The following GPM6A variants were observed in gnomAD, a reference collection of about 807,000 sequenced individuals.
GPM6A encodes neuronal membrane glycoprotein M6-a.
GPM6A carries 7 observed loss-of-function variants against 32.1 expected under a neutral mutation model. The observed-to-expected ratio is 0.22, with a 90% CI of 0.12 to 0.41. The LOEUF is 0.41. Ranked by LOEUF, GPM6A falls within the 10% of genes least tolerant of loss-of-function variation. The pLI is 1.00. For missense variants in GPM6A, 235 were observed against 347.2 expected (o/e 0.68, Z 2.57); for synonymous variants, 130 against 123.4 (o/e 1.05, Z -0.35).
intron 1 of GPM6A, among the ~76,000 whole-genome samples, chr4:175,908,711 CA>C (rs1738208473): frequency 6.6e-6 from 1 of 151,962 alleles, no homozygotes; most frequent in Non-Finnish European, 1.5e-5. Context: ...GATATTTCAA[CA>C]AAAATTTAAA....
chr4:175,822,134 T>A (rs1056225863), intron 1 of GPM6A, among the ~76,000 whole-genome samples: 1 of 152,150 alleles, frequency 6.6e-6, no homozygotes. Context: ...AAATGTTTTA[T>A]TCTCCATCAA....
chr4:175,757,461 G>A (rs1048447438), intron 1 of GPM6A, among the ~76,000 whole-genome samples: 17 of 152,060 alleles, frequency 1.1e-4, no homozygotes, highest in South Asian at 4.2e-4. Flanking sequence ...AAAAATGTTC[G>A]TTGTTGCTTT....
rs922487687 is a variant in GPM6A, at chr4:175,919,279, T to G, written c.-23+83030A>C. ...ATAATGAGTTTTTTTGAGGTACTTC[T>G]AAAAATTCTGTGTATCATAAAAGGT... On this transcript the variant is annotated intron_variant, in intron 1 of 7. Transcript: ENST00000280187. 1.2e-4 allele frequency among the ~76,000 whole-genome samples: 18 copies of G among 152,126 alleles called. 1 individual carries two copies. The highest frequency in any genetic ancestry group is 1.8e-4 in the Non-Finnish European group (12 of 68,012).
At position 175,836,143 on chromosome 4, in the gene GPM6A, C is replaced by T. The variant is rs531020870; in HGVS notation, c.-22-23894G>A. On this transcript the variant is annotated intron_variant, in intron 1 of 7. Transcript: ENST00000280187. ...ATCTGGCTTTCTCTACCTCTCTACC[C>T]AATTATGCTCTGTTACTGATATTCC... 5.3e-5 allele frequency among the ~76,000 whole-genome samples: 8 copies of T among 152,270 alleles called. 1 individual carries two copies. In the South Asian group the frequency reaches 1.7e-3, roughly 32 times the overall value.
chr4:175,940,354 G>A (rs1173486206), intron 1 of GPM6A, among the ~76,000 whole-genome samples: 2 of 151,990 alleles, frequency 1.3e-5, no homozygotes. Flanking sequence ...GAAAAATAAT[G>A]CATTTTTTAG....
intron 1 of GPM6A, among the ~76,000 whole-genome samples, chr4:175,795,371 T>A (rs13113026): frequency 6.6e-6 from 1 of 152,044 alleles, no homozygotes; most frequent in African/African-American, 2.4e-5. Flanking sequence ...CTGCTCCACC[T>A]GAGTAAGGGC....
At chr4:175,918,595 T>C (rs1238209732) in intron 1 of GPM6A, among the ~76,000 whole-genome samples, 3 of 152,088 alleles carry the variant, frequency 2.0e-5, no homozygotes, top group Non-Finnish European at 4.4e-5. Flanking sequence ...AGCAAGACCA[T>C]AGAATGCTTG....
chr4:175,670,795 A>G (rs915022633), intron 3 of GPM6A, among the ~76,000 whole-genome samples: 13 of 152,158 alleles, frequency 8.5e-5, no homozygotes, highest in African/African-American at 2.7e-4. Context: ...TTATGCTTTC[A>G]AAGGCATTCA....
At chr4:175,653,504 T>G (rs1255810248) in intron 3 of GPM6A, among the ~76,000 whole-genome samples, 2 of 152,134 alleles carry the variant, frequency 1.3e-5, no homozygotes, top group Non-Finnish European at 2.9e-5. Context: ...ACTTTATACA[T>G]CTAAGATGAA....
chr4:175,833,939 A>C (rs1382342677), intron 1 of GPM6A, among the ~76,000 whole-genome samples: 4 of 152,198 alleles, frequency 2.6e-5, no homozygotes, highest in Non-Finnish European at 5.9e-5. Context: ...ACTGGGCTAA[A>C]AAATTCCCAA....
chr4:175,795,214 C>A (rs1342698066), intron 1 of GPM6A, among the ~76,000 whole-genome samples: 1 of 152,056 alleles, frequency 6.6e-6, no homozygotes, highest in Non-Finnish European at 1.5e-5. Context: ...AGTCAAGAAC[C>A]AAGGATGTAG....
chr4:175,895,779 T>C (rs1737776619), intron 1 of GPM6A, among the ~76,000 whole-genome samples: 1 of 152,214 alleles, frequency 6.6e-6, no homozygotes, highest in Admixed American at 6.5e-5. Context: ...AAGTATACTG[T>C]ATATGATGTA....
chr4:175,820,406 T>C (rs893948439), intron 1 of GPM6A, among the ~76,000 whole-genome samples: 3 of 152,126 alleles, frequency 2.0e-5, no homozygotes, highest in Non-Finnish European at 4.4e-5. Context: ...TTATTTAATA[T>C]GTGTGTGCAT....
rs894577235 is a variant in GPM6A at position 175,889,321 on chromosome 4, T to G, written c.-22-77072A>C. Among the ~76,000 whole-genome samples the G allele has an allele frequency of 2.6e-5, 4 of 152,032 alleles. 1 individual carries two copies. In the South Asian group the frequency reaches 6.2e-4, roughly 24 times the overall value. ...AAAAATTCTGGGTTAGAAAATGCCA[T>G]AAAACTAGACTGAGCAATATGGTGA... On this transcript the variant is annotated intron_variant, in intron 1 of 7. Coordinates refer to the GPM6A transcript ENST00000280187.
rs910137440 is a variant in GPM6A at position 175,846,741 on chromosome 4, G to T, written c.-22-34492C>A. On this transcript the variant is annotated intron_variant, in intron 1 of 7. Transcript: ENST00000280187. ...AAATGTGCAAAAGCTCTTATAATAG[G>T]ATTTTACTCAAAATATCAAGAAATT... is the stretch of plus-strand genomic sequence containing the variant. Among the ~76,000 whole-genome samples the T allele has an allele frequency of 5.9e-5, 9 of 151,966 alleles. 1 individual carries two copies. Among genetic ancestry groups the T allele is most frequent in the East Asian group, 3.9e-4 (2 of 5,190 alleles).
At chr4:175,699,091 G>A (rs987393217) in intron 2 of GPM6A, among the ~76,000 whole-genome samples, 7 of 152,274 alleles carry the variant, frequency 4.6e-5, no homozygotes, top group Middle Eastern at 3.4e-3. Flanking sequence ...AGAATCTGTA[G>A]ATGTTAAGGA....
chr4:175,753,170 G>A (rs1367191143), intron 1 of GPM6A, among the ~76,000 whole-genome samples: 2 of 152,002 alleles, frequency 1.3e-5, no homozygotes, highest in Non-Finnish European at 2.9e-5. Flanking sequence ...TTCCATGTTC[G>A]ATATACTTCA....
intron 1 of GPM6A, among the ~76,000 whole-genome samples, chr4:175,981,571 A>C (rs72704564): frequency 3.9e-4 from 60 of 152,228 alleles, no homozygotes; most frequent in Admixed American, 1.3e-3. Context: ...GAGTTTCTTC[A>C]TTCTTTACTG....
At chr4:175,734,368 G>A (rs979369418) in intron 1 of GPM6A, among the ~76,000 whole-genome samples, 1 of 151,906 alleles carries the variant, frequency 6.6e-6, no homozygotes, top group African/African-American at 2.4e-5. Flanking sequence ...GTGGATCTCT[G>A]TGCAATAATT....
Sources: allele counts gnomAD v4.1 joint callset (sites outside exome capture counted in the v4.1 genomes callset), GRCh38; gene constraint gnomAD v4.1.1; transcripts MANE v1.5; gene names NCBI Gene and HGNC (gene_info 2026-07-23, HGNC 2026-07-21).